The following DIPK1C variants were observed in gnomAD, a reference collection of about 807,000 sequenced individuals.
DIPK1C encodes the protein familial non-conventional Alzheimer's dementia.
A neutral mutation model predicts 28.0 loss-of-function variants in DIPK1C; 33 were observed. That is an observed-to-expected ratio of 1.18 (90% CI 0.89 to 1.58). The LOEUF is 1.58. Ranked by LOEUF, DIPK1C falls within the 40% of genes most tolerant of loss-of-function variation. The pLI is 0.00. For synonymous variants in DIPK1C, 255 were observed against 248.8 expected (o/e 1.02, Z -0.23); for missense variants, 569 against 568.5 (o/e 1.00, Z -0.01).
upstream of DIPK1C, among the ~76,000 whole-genome samples, chr18:74,460,620 G>A (rs747860845): frequency 1.6e-4 from 25 of 152,196 alleles, no homozygotes; most frequent in Non-Finnish European, 3.4e-4. Context: ...CCTGGCCTCC[G>A]CCGCTCTGGT....
At chr18:74,463,271 C>T in the DIPK1C span, among the ~76,000 whole-genome samples, 2 of 152,234 alleles carry the variant, frequency 1.3e-5, no homozygotes, top group East Asian at 1.9e-4. Context: ...GAACCACTCA[C>T]TGGAGTCTTT....
At chr18:74,463,636 C>T in the DIPK1C span, among the ~76,000 whole-genome samples, 1 of 152,106 alleles carries the variant, frequency 6.6e-6, no homozygotes, top group Admixed American at 6.5e-5. Flanking sequence ...AGATTCCTGT[C>T]AAGCCCACTC....
At chr18:74,443,913 T>C (rs1021862982) in intron 2 of DIPK1C, among the ~76,000 whole-genome samples, 6 of 152,180 alleles carry the variant, frequency 3.9e-5, no homozygotes, top group African/African-American at 1.4e-4. Context: ...AACTTCTCCT[T>C]CCCATTTCTG....
chr18:74,449,993 G>A (rs1264149511), intron 1 of DIPK1C, among the ~76,000 whole-genome samples: 8 of 152,116 alleles, frequency 5.3e-5, no homozygotes, highest in African/African-American at 1.2e-4. Context: ...ATCGCCCTTC[G>A]GAGGAAAGCG....
chr18:74,448,437 C>T (rs1343646824), intron 1 of DIPK1C, among the ~76,000 whole-genome samples: 2 of 152,150 alleles, frequency 1.3e-5, no homozygotes, highest in African/African-American at 4.8e-5. Flanking sequence ...GAGAAAGGAC[C>T]TTGAAGGCTC....
intron 3 of DIPK1C, among the ~76,000 whole-genome samples, chr18:74,439,976 G>A (rs1214521676): frequency 7.8e-5 from 11 of 140,956 alleles, no homozygotes; most frequent in African/African-American, 1.6e-4. Flanking sequence ...ACGGAGTCTC[G>A]CTCTGTTGCC....
upstream of DIPK1C, among the ~76,000 whole-genome samples, chr18:74,462,620 C>G (rs1038853489): frequency 6.6e-6 from 1 of 151,662 alleles, no homozygotes; most frequent in African/African-American, 2.4e-5. Context: ...CTCTTCAATT[C>G]CTAGGAGTAG....
intron 2 of DIPK1C, among the ~76,000 whole-genome samples, chr18:74,444,834 G>A (rs1295844727): frequency 6.6e-6 from 1 of 152,170 alleles, no homozygotes; most frequent in South Asian, 2.1e-4. Context: ...CTGGGGCTAG[G>A]TTGAGGACGC....
At chr18:74,455,610 G>A (rs1383632348) in intron 1 of DIPK1C, among the ~76,000 whole-genome samples, 1 of 151,438 alleles carries the variant, frequency 6.6e-6, no homozygotes, top group Non-Finnish European at 1.5e-5. Flanking sequence ...GACCAACATG[G>A]ACAAACCACC....
At chr18:74,451,522 G>C (rs563006592) in intron 1 of DIPK1C, among the ~76,000 whole-genome samples, 1 of 152,268 alleles carries the variant, frequency 6.6e-6, no homozygotes, top group South Asian at 2.1e-4. Flanking sequence ...ATCTATACGA[G>C]ATTTGCCCCT....
Position 74,442,029 on chromosome 18 carries a change from T to G in DIPK1C, c.964A>C (p.Asn322His), listed in dbSNP as rs755406060. ...CATCTTGAAAAACAGTCAAAGAAAT[T>G]GCAGTCTTCATCTCCTGTGCAGTTT... ...EQNCTGDEDC[N>H]FFDCFSRCDL... is the part of the protein sequence containing the mutation. Residue 322 changes from asparagine to histidine, a missense_variant, in exon 3 of 4, where the codon AAT becomes CAT. Transcript: ENST00000343998. 6 of 1,614,022 alleles carry G rather than the reference T, an allele frequency of 3.7e-6. No homozygotes were observed. In the African/African-American group the frequency reaches 8.0e-5, roughly 22 times the overall value.
chr18:74,442,880 A>G (rs2144516798), intron 2 of DIPK1C, among the ~76,000 whole-genome samples: 1 of 152,344 alleles, frequency 6.6e-6, no homozygotes, highest in Admixed American at 6.5e-5. Context: ...TGTAAGATAC[A>G]GAGAACCTAT....
intron 3 of DIPK1C, among the ~76,000 whole-genome samples, chr18:74,440,003 G>A (rs1986083814): frequency 6.8e-6 from 1 of 147,402 alleles, no homozygotes; most frequent in African/African-American, 2.5e-5. Flanking sequence ...GGAGTGCAGT[G>A]ATGCAATCTC....
intron 2 of DIPK1C, 60 bp from the exon 3 acceptor site, chr18:74,442,176 G>C: frequency 6.3e-7 from 1 of 1,593,206 alleles, no homozygotes; most frequent in Non-Finnish European, 8.5e-7. Flanking sequence ...CAGAGAGGGA[G>C]CCTGTTCACA....
intron 1 of DIPK1C, among the ~76,000 whole-genome samples, chr18:74,449,582 C>G (rs1333190829): frequency 6.6e-6 from 1 of 152,222 alleles, no homozygotes; most frequent in African/African-American, 2.4e-5. Flanking sequence ...TCCTGCCAGC[C>G]GCTGCATTTT....
rs1305938353 is a variant in DIPK1C, at chr18:74,447,113, G to A, written c.369C>T (p.Ser123=). ...VVLKSKEEAF[S]SFPPLSLLEE... The stretch of plus-strand genomic sequence containing the variant: ...CCAACAGGCTGAGGGGCGGGAAGCT[G>A]GAGAAGGCCTCCTCCTTGGACTTGA... Residue 123 remains serine (S), a synonymous_variant, in exon 2 of 4, where the codon TCC becomes TCT. Coordinates refer to ENST00000343998, the MANE Select transcript of DIPK1C (RefSeq NM_001044369.3). This position sits in a 1 kb window ranked among gnomAD's most constrained non-coding sequence, Gnocchi z 4.1. 5 of 1,550,458 alleles carry A rather than the reference G, an allele frequency of 3.2e-6. No individual in the cohort carries two copies. The highest frequency in any genetic ancestry group is 2.4e-5 in the East Asian group (1 of 40,934).
chr18:74,457,228 G>A lies in DIPK1C; in HGVS notation c.32C>T (p.Ala11Val). 2.8e-6 allele frequency: 3 copies of A among 1,065,336 alleles called. No individual in the cohort carries two copies. Among genetic ancestry groups the A allele is most frequent in the African/African-American group, 3.4e-5 (2 of 58,900 alleles). The allele number at this position is 1,065,336 out of a possible 1,614,324, so 66.0% of individuals were successfully genotyped here. A position where few individuals can be genotyped will look rare whatever the true frequency, so the allele number is the denominator to read the frequency against. Reference sequence around the variant, plus strand: ...GCGCCCGCGCCTCCTGCACCACCCGGCAGGGCCCCGCGCGCCCGCCGCCCG... The same window carrying A: ...GCGCCCGCGCCTCCTGCACCACCCGACAGGGCCCCGCGCGCCCGCCGCCCG... MARAAGARGP[A>V]GWCRRRGRCG... The change falls in exon 1 of 4, where the codon GCC becomes GTC. Residue 11 changes from alanine to valine, a missense_variant. Physicochemically the swap from Ala to Val is moderately conservative, Grantham distance 64. Transcript: ENST00000343998.
At chr18:74,437,602 C>T (rs929975740) in intron 3 of DIPK1C, among the ~76,000 whole-genome samples, 6 of 152,158 alleles carry the variant, frequency 3.9e-5, no homozygotes, top group African/African-American at 1.4e-4. Flanking sequence ...AGGACAAAAA[C>T]CTTCAACTTC....
the DIPK1C span, among the ~76,000 whole-genome samples, chr18:74,463,139 C>T: frequency 6.6e-6 from 1 of 152,136 alleles, no homozygotes; most frequent in African/African-American, 2.4e-5. Flanking sequence ...TCCCGGAGTA[C>T]ACATGAGCAC....
Sources: allele counts gnomAD v4.1 joint callset (sites outside exome capture counted in the v4.1 genomes callset), GRCh38; gene constraint gnomAD v4.1.1; non-coding constraint Gnocchi (gnomAD v3.1); transcripts MANE v1.5; gene names NCBI Gene and HGNC (gene_info 2026-07-23, HGNC 2026-07-21).